SLC38A9: variants seen among roughly 807,000 people sequenced by gnomAD.
The protein encoded by SLC38A9 is neutral amino acid transporter 9.
SLC38A9 carries 48 observed loss-of-function variants against 62.3 expected under a neutral mutation model. The observed-to-expected ratio is 0.77, with a 90% CI of 0.61 to 0.98. SLC38A9 has a LOEUF of 0.98. Ranked by LOEUF, SLC38A9 falls within the 50% of genes least tolerant of loss-of-function variation. The probability of loss-of-function intolerance (pLI) is 0.00; values close to 1 mark genes in which losing one functional copy is unlikely to be tolerated. For missense variants in SLC38A9, 541 were observed against 679.8 expected (o/e 0.80, Z 2.27); for synonymous variants, 204 against 227.7 (o/e 0.90, Z 0.94).
intron 3 of SLC38A9, chr5:55,691,239 G>A: frequency 8.9e-7 from 1 of 1,128,184 alleles, no homozygotes; most frequent in Non-Finnish European, 1.3e-6. Flanking sequence ...AATAGACTAA[G>A]TCTCTGACAT....
chr5:55,696,196 C>A (rs1163791426), intron 3 of SLC38A9: 1 of 40,634 alleles, frequency 2.5e-5, no homozygotes, highest in Non-Finnish European at 6.3e-5. Context: ...CCCTCACGGA[C>A]GGGGCGGCTG....
chr5:55,654,831 C>T (rs2150208559), intron 9 of SLC38A9, among the ~76,000 whole-genome samples: 1 of 152,092 alleles, frequency 6.6e-6, no homozygotes, highest in South Asian at 2.1e-4. Flanking sequence ...TGTTAACATT[C>T]AATAAATGTT....
intron 2 of SLC38A9, among the ~76,000 whole-genome samples, chr5:55,710,509 G>A (rs922965660): frequency 2.6e-5 from 4 of 151,990 alleles, no homozygotes; most frequent in Admixed American, 6.6e-5. Context: ...GCAATCCGCC[G>A]AACCTTCTAT....
intron 3 of SLC38A9, among the ~76,000 whole-genome samples, chr5:55,688,572 G>T (rs948807656): frequency 3.3e-5 from 5 of 151,712 alleles, no homozygotes; most frequent in African/African-American, 4.8e-5. Context: ...AGTAGAGACG[G>T]GGTTTCACTG....
rs185182820 is a variant in SLC38A9, at chr5:55,644,010, G to A, written c.1167+1779C>T. Among the ~76,000 whole-genome samples, 199 of 152,122 alleles carry A rather than the reference G, an allele frequency of 1.3e-3. No individual in the cohort carries two copies. The Middle Eastern group carries it at 0.014, about 10-fold the overall frequency. On this transcript the variant is annotated intron_variant, in intron 12 of 15. Transcript: ENST00000396865. The stretch of plus-strand genomic sequence containing the variant: ...GAGTGTTGCTCTGTTGCTCAGGCTG[G>A]AGTGCAGTGGCACGATCTCTGCTCA...
intron 3 of SLC38A9, among the ~76,000 whole-genome samples, chr5:55,674,351 C>G (rs535285291): frequency 4.6e-5 from 7 of 152,142 alleles, no homozygotes; most frequent in Non-Finnish European, 1.0e-4. Flanking sequence ...GGAAGAAAAT[C>G]TCCAATTCAA....
chr5:55,643,317 A>C (rs1002245121), intron 12 of SLC38A9, among the ~76,000 whole-genome samples: 6 of 152,160 alleles, frequency 3.9e-5, no homozygotes, highest in African/African-American at 1.4e-4. Flanking sequence ...TATGCTGTTC[A>C]ATTTCCACAA....
At chr5:55,698,931 C>A (rs1756285835) in intron 2 of SLC38A9, among the ~76,000 whole-genome samples, 1 of 137,270 alleles carries the variant, frequency 7.3e-6, no homozygotes, top group South Asian at 2.6e-4. Context: ...TGGAGTGAGA[C>A]CCTGTCTCAA....
rs1747733640 is a variant in SLC38A9, at chr5:55,652,689, A to C, written c.792T>G (p.Pro264=). The C allele has an allele frequency of 6.2e-7, 1 of 1,613,244 alleles. No individual in the cohort carries two copies. The highest frequency in any genetic ancestry group is 8.5e-7 in the Non-Finnish European group (1 of 1,179,462). Residue 264 remains proline, a synonymous_variant, in exon 10 of 16, where the codon CCT becomes CCG. Transcript: ENST00000396865. ...CATAGAAAATCATAGAGCTGTTGTC[A>C]GGATGGCCTCCACTCCCGGCACTTG... ...ICPSAGSGGH[P]DNSSMIFYAN...
intron 3 of SLC38A9, among the ~76,000 whole-genome samples, chr5:55,682,467 T>C (rs1187220302): frequency 6.6e-6 from 1 of 152,202 alleles, no homozygotes; most frequent in Non-Finnish European, 1.5e-5. Flanking sequence ...GTTCAATTTG[T>C]ATTTTTCCTA....
chr5:55,647,749 C>T (rs1746646950), intron 11 of SLC38A9, among the ~76,000 whole-genome samples: 1 of 152,144 alleles, frequency 6.6e-6, no homozygotes, highest in Non-Finnish European at 1.5e-5. Context: ...CATTAACTAA[C>T]AAAAGCTATC....
At chr5:55,639,272 T>TAAAAAA (rs753043231) in intron 12 of SLC38A9, among the ~76,000 whole-genome samples, 23 of 54,608 alleles carry the variant, frequency 4.2e-4, no homozygotes, top group African/African-American at 1.1e-3. Flanking sequence ...AAACTCTGTC[T>TAAAAAA]AAAAAAAAAA....
At chr5:55,673,709 CTTTT>C (rs201596512) in intron 3 of SLC38A9, among the ~76,000 whole-genome samples, 67,869 of 126,830 alleles carry the variant, frequency 0.54, 16,206 homozygotes, top group South Asian at 0.63. Context: ...TTAATCTAAT[CTTTT>C]TTTTTTTTTT....
intron 2 of SLC38A9, among the ~76,000 whole-genome samples, chr5:55,710,893 C>A (rs1757941286): frequency 3.3e-5 from 5 of 150,856 alleles, no homozygotes. Flanking sequence ...GCTGGGATTA[C>A]AGGCGTGAGC....
At chr5:55,632,429 C>G (rs1040834022) in intron 14 of SLC38A9, among the ~76,000 whole-genome samples, 1 of 152,056 alleles carries the variant, frequency 6.6e-6, no homozygotes, top group Non-Finnish European at 1.5e-5. Context: ...CAGAGCGAGA[C>G]TCAGTCTCAG....
intron 8 of SLC38A9, among the ~76,000 whole-genome samples, chr5:55,658,867 A>T (rs1748952647): frequency 6.6e-6 from 1 of 152,184 alleles, no homozygotes; most frequent in Non-Finnish European, 1.5e-5. Flanking sequence ...AGCAAATTCA[A>T]TCCAGTAAGG....
Position 55,688,643 on chromosome 5 carries a change from G to A in SLC38A9, c.113+9203C>T, listed in dbSNP as rs528135259. 2.0e-3 allele frequency among the ~76,000 whole-genome samples: 301 copies of A among 152,200 alleles called. 2 individuals are homozygous for A. The highest frequency in any genetic ancestry group is 7.0e-3 in the African/African-American group (289 of 41,560). Reference sequence around the variant, plus strand: ...GATCCGCCCGCCTCGGCCTCCCAAAGTGCTGGGATTACAGGGGTGAGCCAC... The same window carrying A: ...GATCCGCCCGCCTCGGCCTCCCAAAATGCTGGGATTACAGGGGTGAGCCAC... On this transcript the variant is annotated intron_variant, in intron 3 of 15. Coordinates refer to ENST00000396865, the MANE Select transcript of SLC38A9 (RefSeq NM_173514.4).
In SLC38A9 at chr5:55,711,659, C is replaced by A. The variant is rs189224591; in HGVS notation, c.-82-160G>T. 4.3e-3 allele frequency among the ~76,000 whole-genome samples: 648 copies of A among 152,302 alleles called. 3 individuals are homozygous for A. The highest frequency in any genetic ancestry group is 0.015 in the African/African-American group (611 of 41,550). On this transcript the variant is annotated intron_variant, in intron 1 of 15. Coordinates refer to ENST00000396865, the MANE Select transcript of SLC38A9 (RefSeq NM_173514.4). ...GCTTACCAGTCATGGCCCTCACCCC[C>A]TCTGTGGTCCTAGCTCAAGGCCCAA...
chr5:55,672,695 C>G lies in SLC38A9; in HGVS notation c.114G>C (p.Arg38Ser), dbSNP rs142241019. 6.2e-7 allele frequency: 1 copy of G among 1,612,282 alleles called. No homozygotes were observed. The highest frequency in any genetic ancestry group is 1.7e-5 in the Admixed American group (1 of 59,682). Residue 38 changes from arginine to serine, a missense_variant and splice_region_variant, in exon 4 of 16, where the codon AGG (arginine) becomes AGC (serine). Physicochemically the swap from Arg to Ser is moderately radical, Grantham distance 110. Coordinates refer to ENST00000396865, the MANE Select transcript of SLC38A9 (RefSeq NM_173514.4). ...QFEPSDLRSK[R>S]PFCIEPTNIV... ...TGTTTGTGGGCTCTATACAGAAAGG[C>G]CTACAAAGGGAATATACACTTGACA...
Sources: allele counts gnomAD v4.1 joint callset (sites outside exome capture counted in the v4.1 genomes callset), GRCh38; gene constraint gnomAD v4.1.1; transcripts MANE v1.5; gene names NCBI Gene and HGNC (gene_info 2026-07-23, HGNC 2026-07-21).